Variants in CFAP96 observed in about 807,000 individuals in gnomAD.
CFAP96 encodes the protein cilia-and flagella-associated protein 96.
At chr4:185,447,807 A>G in the CFAP96 span, among the ~76,000 whole-genome samples, 1 of 152,230 alleles carries the variant, frequency 6.6e-6, no homozygotes, top group Non-Finnish European at 1.5e-5. Context: ...CTTTGACAGA[A>G]GCTCTAAATT....
the CFAP96 span, chr4:185,445,442 A>T: frequency 8.6e-7 from 1 of 1,161,104 alleles, no homozygotes; most frequent in Non-Finnish European, 1.3e-6. Flanking sequence ...TAGTTCAGTT[A>T]GCAGTACAAT....
chr4:185,424,639 A>C, the CFAP96 span, among the ~76,000 whole-genome samples: 8 of 152,368 alleles, frequency 5.3e-5, no homozygotes, highest in Middle Eastern at 3.4e-3. Flanking sequence ...TTAAATAGCT[A>C]TTAATAAGAA....
chr4:185,436,329 C>T, the CFAP96 span: 1 of 1,550,730 alleles, frequency 6.4e-7, no homozygotes, highest in Non-Finnish European at 8.7e-7. Flanking sequence ...ACTCTGCCGA[C>T]TTCTATGATG....
the CFAP96 span, among the ~76,000 whole-genome samples, chr4:185,420,401 A>G: frequency 5.9e-5 from 9 of 152,336 alleles, no homozygotes; most frequent in East Asian, 1.5e-3. Flanking sequence ...AAAGAAGACA[A>G]TCTTTCAATA....
the CFAP96 span, among the ~76,000 whole-genome samples, chr4:185,433,251 C>T: frequency 1.3e-5 from 2 of 151,528 alleles, no homozygotes; most frequent in South Asian, 4.2e-4. Context: ...AAAAATTAGC[C>T]AGGCATGGTG....
the CFAP96 span, among the ~76,000 whole-genome samples, chr4:185,439,290 A>G: frequency 6.6e-5 from 10 of 152,276 alleles, no homozygotes; most frequent in East Asian, 1.7e-3. Flanking sequence ...TTTCAGTACC[A>G]TTGTTGTGAT....
the CFAP96 span, among the ~76,000 whole-genome samples, chr4:185,442,971 G>C: frequency 1.4e-4 from 21 of 152,052 alleles, no homozygotes; most frequent in African/African-American, 5.1e-4. Flanking sequence ...AGTGTGATTG[G>C]TCTGTATTTT....
the CFAP96 span, among the ~76,000 whole-genome samples, chr4:185,443,342 A>ATATATATTT: frequency 8.6e-4 from 23 of 26,726 alleles, 1 homozygote; most frequent in South Asian, 8.4e-3. Context: ...ATATATATAT[A>ATATATATTT]TTTTTTTTTT....
chr4:185,443,424 A>G, the CFAP96 span, among the ~76,000 whole-genome samples: 1 of 140,594 alleles, frequency 7.1e-6, no homozygotes, highest in Non-Finnish European at 1.5e-5. Context: ...GCTCACTGCA[A>G]CCTCTGCCTC....
chr4:185,430,701 A>C, the CFAP96 span, among the ~76,000 whole-genome samples: 1 of 151,268 alleles, frequency 6.6e-6, no homozygotes, highest in South Asian at 2.1e-4. Context: ...CCAGGAGTTC[A>C]AGACAAGCCT....
chr4:185,449,110 A>T, the CFAP96 span, among the ~76,000 whole-genome samples: 1 of 152,206 alleles, frequency 6.6e-6, no homozygotes, highest in Non-Finnish European at 1.5e-5. Flanking sequence ...TCTTCTAAGT[A>T]TATATGGCTT....
chr4:185,416,023 G>A, the CFAP96 span: 2 of 544,304 alleles, frequency 3.7e-6, no homozygotes, highest in African/African-American at 3.9e-5. Context: ...TAGAGAACAA[G>A]GAGTTCAATC....
the CFAP96 span, chr4:185,436,433 C>T: frequency 2.0e-5 from 23 of 1,128,732 alleles, no homozygotes; most frequent in East Asian, 2.7e-4. Flanking sequence ...CACTTGAGGC[C>T]GGGCACGGTG....
At chr4:185,449,446 C>T in the CFAP96 span, 325 of 500,750 alleles carry the variant, frequency 6.5e-4, no homozygotes, top group Middle Eastern at 3.5e-3. Context: ...GCCTAAAAGC[C>T]TAGGAGGTTG....
the CFAP96 span, among the ~76,000 whole-genome samples, chr4:185,439,090 A>AT: frequency 6.6e-6 from 1 of 152,230 alleles, no homozygotes; most frequent in Non-Finnish European, 1.5e-5. Context: ...ATCCTAAAAC[A>AT]TTACATTATA....
the CFAP96 span, among the ~76,000 whole-genome samples, chr4:185,425,253 A>C: frequency 2.8e-4 from 43 of 152,208 alleles, no homozygotes; most frequent in African/African-American, 1.0e-3. Flanking sequence ...TTCCTGGAGG[A>C]AGAGCAGGTG....
chr4:185,429,333 G>A, the CFAP96 span: 1 of 711,598 alleles, frequency 1.4e-6, no homozygotes, highest in Non-Finnish European at 2.2e-6. Context: ...ATGTAAAGTA[G>A]GACTTTGCTA....
the CFAP96 span, among the ~76,000 whole-genome samples, chr4:185,435,413 A>T: frequency 6.6e-6 from 1 of 152,198 alleles, no homozygotes; most frequent in Admixed American, 6.5e-5. Context: ...GTAACTTAAG[A>T]ATTAGAGACT....
At chr4:185,424,600 TTCA>T in the CFAP96 span, among the ~76,000 whole-genome samples, 1 of 152,328 alleles carries the variant, frequency 6.6e-6, no homozygotes, top group East Asian at 1.9e-4. Context: ...TCTACCGTTG[TTCA>T]TCACAGAAAA....
Sources: gnomAD v4.1 joint callset for allele counts (sites outside exome capture counted in the v4.1 genomes callset) on GRCh38, gnomAD v4.1.1 for gene constraint, MANE v1.5 for transcripts, NCBI Gene and HGNC (gene_info 2026-07-23, HGNC 2026-07-21) for gene names.